The following ZZEF1 variants were observed in gnomAD, a reference collection of about 807,000 sequenced individuals.
ZZEF1 encodes zinc finger ZZ-type and EF-hand domain-containing protein 1.
ZZEF1 carries 157 observed loss-of-function variants against 342.8 expected under a neutral mutation model. That is an observed-to-expected ratio of 0.46 (90% CI 0.40 to 0.52). The LOEUF (loss-of-function observed/expected upper bound fraction) is 0.52. Among genes scored for constraint, ZZEF1 ranks in the 20% least tolerant of loss-of-function variants. The pLI, the probability that ZZEF1 is intolerant of heterozygous loss-of-function variation, is 0.00. For missense variants in ZZEF1, 3,480 were observed against 3,725.6 expected (o/e 0.93, Z 1.72); for synonymous variants, 1,505 against 1,429.1 (o/e 1.05, Z -1.20).
intron 27 of ZZEF1, 37 bp downstream of exon 27, chr17:4,067,126 T>G: frequency 1.3e-6 from 2 of 1,575,320 alleles, no homozygotes; most frequent in Non-Finnish European, 1.7e-6. Context: ...GTAGAAAACC[T>G]AAAATATAGC....
intron 1 of ZZEF1, among the ~76,000 whole-genome samples, chr17:4,137,428 G>A (rs375243921): frequency 1.3e-5 from 2 of 152,100 alleles, no homozygotes; most frequent in African/African-American, 2.4e-5. Context: ...GGCTAACACG[G>A]TGAAACCCCG....
intron 1 of ZZEF1, among the ~76,000 whole-genome samples, chr17:4,126,665 C>G (rs1174791562): frequency 6.6e-6 from 1 of 152,150 alleles, no homozygotes; most frequent in African/African-American, 2.4e-5. Context: ...TTTTAAAAAG[C>G]AGAACTGGGC....
intron 17 of ZZEF1, among the ~76,000 whole-genome samples, chr17:4,081,830 T>C (rs200848843): frequency 9.5e-6 from 1 of 105,646 alleles, no homozygotes; most frequent in African/African-American, 3.4e-5. Flanking sequence ...TGTCTTCACA[T>C]GTCTTCACAG....
chr17:4,117,264 A>G, intron 2 of ZZEF1, 98 bp from the exon 3 acceptor site: 1 of 871,596 alleles, frequency 1.1e-6, no homozygotes. Flanking sequence ...AATTAAAAGC[A>G]GTCATTAACA....
chr17:4,128,718 T>C lies in ZZEF1; in HGVS notation c.355-4667A>G, dbSNP rs1330052385. On this transcript the variant is annotated intron_variant, in intron 1 of 54. Transcript: ENST00000381638. ...TTCAAGTGATCTGCCTGCCTCGGCCTCCCAAAGTGCTGGGATTAAAGGCGT... is the reference window on the plus strand; with the variant it reads ...TTCAAGTGATCTGCCTGCCTCGGCCCCCCAAAGTGCTGGGATTAAAGGCGT... 2.0e-5 allele frequency among the ~76,000 whole-genome samples: 3 copies of C among 150,790 alleles called. No homozygotes were observed. The East Asian group carries it at 5.9e-4, about 30-fold the overall frequency.
chr17:4,009,378 C>T (rs888057889), intron 53 of ZZEF1: 3 of 617,226 alleles, frequency 4.9e-6, no homozygotes, highest in African/African-American at 3.7e-5. Context: ...AGTTTCTCCC[C>T]CATTGGCTCT....
At chr17:4,068,531 C>T (rs538654150) in intron 26 of ZZEF1, among the ~76,000 whole-genome samples, 8 of 152,054 alleles carry the variant, frequency 5.3e-5, no homozygotes, top group African/African-American at 1.9e-4. Flanking sequence ...TGGTGATCCA[C>T]CTGCCTTGGC....
intron 29 of ZZEF1, among the ~76,000 whole-genome samples, chr17:4,064,065 G>GC (rs60698621): frequency 1.6e-5 from 2 of 126,204 alleles, no homozygotes; most frequent in Admixed American, 8.2e-5. Context: ...GTAGATGGAG[G>GC]GGGGGGGGTC....
chr17:4,120,635 G>A (rs2058468014), intron 2 of ZZEF1, among the ~76,000 whole-genome samples: 1 of 152,004 alleles, frequency 6.6e-6, no homozygotes. Flanking sequence ...GCACTGTTTT[G>A]CTCAAAACCT....
rs1036086639 is a variant in ZZEF1, at chr17:4,096,077, C to T, written c.1765-98G>A. 152 of 1,303,394 alleles carry T rather than the reference C, an allele frequency of 1.2e-4. 1 individual carries two copies. The highest frequency in any genetic ancestry group is 1.4e-4 in the Non-Finnish European group (137 of 969,918). 80.7% of individuals were successfully genotyped at this position (1,303,394 alleles called of 1,614,324 possible). A position where few individuals can be genotyped will look rare whatever the true frequency, so the allele number is the denominator to read the frequency against. On this transcript the variant is annotated intron_variant, in intron 10 of 54. Coordinates refer to ENST00000381638, the MANE Select transcript of ZZEF1 (RefSeq NM_015113.4). ...TAAATTCAAACAGGTTAAAACAAAA[C>T]GAGACCAATGAAAAATATTTCAAAC...
intron 9 of ZZEF1, among the ~76,000 whole-genome samples, chr17:4,099,655 C>T (rs2058094016): frequency 6.6e-6 from 1 of 151,690 alleles, no homozygotes; most frequent in Admixed American, 6.6e-5. Flanking sequence ...AAGCAATTCT[C>T]CTGCCTCAGC....
intron 29 of ZZEF1, among the ~76,000 whole-genome samples, chr17:4,063,725 G>C (rs1416685824): frequency 1.5e-5 from 2 of 130,402 alleles, no homozygotes; most frequent in Non-Finnish European, 3.1e-5. Flanking sequence ...CCACACTCAG[G>C]TCATTTTTTT....
At chr17:4,096,751 T>G in intron 9 of ZZEF1, 51 bp from the exon 10 acceptor site, 1 of 1,414,186 alleles carries the variant, frequency 7.1e-7, no homozygotes, top group Non-Finnish European at 1.0e-6. Flanking sequence ...TTTATAGCCC[T>G]AAGAACTAAG....
chr17:4,076,438 G>A (rs550902696), intron 21 of ZZEF1, 199 bp downstream of exon 21: 28 of 575,958 alleles, frequency 4.9e-5, no homozygotes, highest in Non-Finnish European at 6.7e-5. Context: ...CGGCCTCTGC[G>A]TCTCCTTTCT....
At chr17:4,127,747 A>G (rs1443427128) in intron 1 of ZZEF1, among the ~76,000 whole-genome samples, 1 of 152,308 alleles carries the variant, frequency 6.6e-6, no homozygotes, top group Non-Finnish European at 1.5e-5. Context: ...CTCAATGTGT[A>G]AGACTCAATC....
At chr17:4,119,944 G>T (rs1340987842) in intron 2 of ZZEF1, among the ~76,000 whole-genome samples, 1 of 152,112 alleles carries the variant, frequency 6.6e-6, no homozygotes, top group Admixed American at 6.6e-5. Context: ...TCACACCAAG[G>T]ACTAACAGCA....
chr17:4,090,580 C>T (rs961566091), intron 12 of ZZEF1, 139 bp downstream of exon 12: 11 of 664,988 alleles, frequency 1.7e-5, no homozygotes, highest in Admixed American at 7.0e-5. Flanking sequence ...ACACATCTGT[C>T]TCTCCCACAG....
In ZZEF1 at chr17:4,064,427, T is replaced by G; in HGVS notation, c.4652A>C (p.Lys1551Thr). Residue 1551 changes from lysine to threonine, a missense_variant, in exon 29 of 55, where the codon AAA becomes ACA. This residue lies in a region of ZZEF1 where 1,528 missense variants were observed against 1,624.1 expected (regional missense o/e 0.94). Transcript: ENST00000381638. ...MEEARLVPTV[K>T]EKYPVLKDVM... is the part of the protein sequence containing the mutation. Reference sequence around the variant, plus strand: ...GTCCTTCAGCACAGGGTATTTCTCTTTCACTGTGGGCACCAGTCTGGCCTC... The same window carrying G: ...GTCCTTCAGCACAGGGTATTTCTCTGTCACTGTGGGCACCAGTCTGGCCTC... 1 of 1,613,906 alleles carries G rather than the reference T, an allele frequency of 6.2e-7. No homozygotes were observed. Among genetic ancestry groups the G allele is most frequent in the Admixed American group, 1.7e-5 (1 of 60,014 alleles).
intron 5 of ZZEF1, among the ~76,000 whole-genome samples, chr17:4,112,354 C>T (rs1340553036): frequency 2.0e-5 from 3 of 151,784 alleles, no homozygotes; most frequent in Non-Finnish European, 4.4e-5. Context: ...CCATGTTGGC[C>T]AGGCTGTTTT....
Sources: gnomAD v4.1 joint callset for allele counts (sites outside exome capture counted in the v4.1 genomes callset) on GRCh38, gnomAD v4.1.1 for gene constraint, gnomAD v4.1.1 regional missense constraint, MANE v1.5 for transcripts, NCBI Gene and HGNC (gene_info 2026-07-23, HGNC 2026-07-21) for gene names.